The following MDGA2 variants were observed in gnomAD, a reference collection of about 807,000 sequenced individuals.
The protein encoded by MDGA2 is MAM domain-containing glycosylphosphatidylinositol anchor protein 2.
Under a neutral mutation model 117.8 loss-of-function variants are expected in MDGA2, and 40 were observed. The ratio of observed to expected loss-of-function variants is 0.34; its 90% CI spans 0.26 to 0.44. The LOEUF is 0.44. MDGA2 is among the 20% of genes least tolerant of loss of function. The pLI, the probability that MDGA2 is intolerant of heterozygous loss-of-function variation, is 1.00. For synonymous variants in MDGA2, 452 were observed against 439.0 expected (o/e 1.03, Z -0.37); for missense variants, 1,123 against 1,250.6 (o/e 0.90, Z 1.54).
At chr14:47,606,801 C>T (rs539920735) in intron 1 of MDGA2, among the ~76,000 whole-genome samples, 7 of 152,238 alleles carry the variant, frequency 4.6e-5, no homozygotes, top group Non-Finnish European at 1.0e-4. Flanking sequence ...AACTGAAATG[C>T]CTCGCTCCAT....
At chr14:47,595,478 G>T (rs986317240) in intron 1 of MDGA2, among the ~76,000 whole-genome samples, 1 of 146,724 alleles carries the variant, frequency 6.8e-6, no homozygotes, top group African/African-American at 2.5e-5. Flanking sequence ...AGGTTTCAGT[G>T]AGCCAAGATC....
At chr14:47,620,478 C>T (rs900213436) in intron 1 of MDGA2, among the ~76,000 whole-genome samples, 2 of 152,188 alleles carry the variant, frequency 1.3e-5, no homozygotes, top group Non-Finnish European at 2.9e-5. Context: ...CACGTGAATA[C>T]TTTCCATCTA....
intron 2 of MDGA2, among the ~76,000 whole-genome samples, chr14:47,291,037 T>C (rs1006194039): frequency 2.6e-5 from 4 of 152,164 alleles, no homozygotes; most frequent in Non-Finnish European, 4.4e-5. Context: ...AATCTAAAGT[T>C]CTGTGCTGTG....
chr14:47,612,593 A>G (rs560235206), intron 1 of MDGA2, among the ~76,000 whole-genome samples: 1 of 152,294 alleles, frequency 6.6e-6, no homozygotes, highest in Admixed American at 6.5e-5. Flanking sequence ...AACAGCATTT[A>G]TAACGTAATT....
chr14:46,949,376 G>T (rs1211368991), intron 9 of MDGA2, among the ~76,000 whole-genome samples: 1 of 151,732 alleles, frequency 6.6e-6, no homozygotes, highest in African/African-American at 2.4e-5. Flanking sequence ...TAAGATTTTT[G>T]GGGCATATGT....
At chr14:47,119,354 C>T (rs911605177) in intron 5 of MDGA2, among the ~76,000 whole-genome samples, 20 of 152,190 alleles carry the variant, frequency 1.3e-4, no homozygotes, top group African/African-American at 4.6e-4. Context: ...CGTGAGCCAC[C>T]GGGCCCGGCC....
At chr14:46,947,127 T>C (rs185972856) in intron 9 of MDGA2, among the ~76,000 whole-genome samples, 2 of 152,202 alleles carry the variant, frequency 1.3e-5, no homozygotes, top group Non-Finnish European at 1.5e-5. Context: ...TTTAAAATTA[T>C]CTTTGTAAGA....
intron 1 of MDGA2, among the ~76,000 whole-genome samples, chr14:47,674,229 C>G (rs1030808284): frequency 4.6e-5 from 7 of 152,152 alleles, no homozygotes; most frequent in Non-Finnish European, 1.0e-4. Flanking sequence ...ACTGCTGGAG[C>G]TCGGATTCCC....
At chr14:46,880,549 A>C (rs1566505243) in intron 11 of MDGA2, among the ~76,000 whole-genome samples, 1 of 151,610 alleles carries the variant, frequency 6.6e-6, no homozygotes, top group African/African-American at 2.4e-5. Context: ...CATGCCTGTA[A>C]TCTAGCACTT....
intron 1 of MDGA2, among the ~76,000 whole-genome samples, chr14:47,457,952 C>A (rs1385251719): frequency 6.6e-6 from 1 of 151,222 alleles, no homozygotes; most frequent in Admixed American, 6.6e-5. Flanking sequence ...GGATAGTGCT[C>A]ATTTTTATGC....
intron 9 of MDGA2, among the ~76,000 whole-genome samples, chr14:46,944,887 G>GAA (rs1885119031): frequency 1.3e-5 from 2 of 151,806 alleles, no homozygotes; most frequent in Admixed American, 6.6e-5. Flanking sequence ...ATAATACTTT[G>GAA]AAAATATTCA....
intron 1 of MDGA2, among the ~76,000 whole-genome samples, chr14:47,531,049 T>A (rs2138732331): frequency 6.6e-6 from 1 of 152,110 alleles, no homozygotes; most frequent in African/African-American, 2.4e-5. Context: ...ATTGAGACCA[T>A]CCTGGCTAAC....
intron 14 of MDGA2, among the ~76,000 whole-genome samples, chr14:46,862,084 C>A (rs987252300): frequency 2.6e-5 from 4 of 152,048 alleles, no homozygotes; most frequent in South Asian, 2.1e-4. Flanking sequence ...ACATCAGATA[C>A]CAAAACATAT....
chr14:46,868,350 T>C (rs1046725155), intron 14 of MDGA2, among the ~76,000 whole-genome samples: 9 of 151,592 alleles, frequency 5.9e-5, no homozygotes, highest in Non-Finnish European at 8.8e-5. Context: ...TTTGGGGGAG[T>C]ACTTGAATAT....
Position 47,523,977 on chromosome 14 carries a change from T to C in MDGA2, c.280+150540A>G, listed in dbSNP as rs553157626. On this transcript the variant is annotated intron_variant, in intron 1 of 16. Coordinates refer to ENST00000399232, the MANE Select transcript of MDGA2 (RefSeq NM_001113498.3). ...TGGAACTGACAATACTTTCCAGTAA[T>C]GCTTGAGGGCAAAATCAAGGACAGA... Among the ~76,000 whole-genome samples the C allele has an allele frequency of 1.9e-3, 294 of 152,314 alleles. 1 individual carries two copies. Among genetic ancestry groups the C allele is most frequent in the Non-Finnish European group, 3.4e-3 (228 of 68,024 alleles).
intron 3 of MDGA2, among the ~76,000 whole-genome samples, chr14:47,213,973 G>A (rs1198831968): frequency 2.0e-5 from 3 of 152,070 alleles, no homozygotes; most frequent in Non-Finnish European, 4.4e-5. Flanking sequence ...TTTTTGGCGA[G>A]TAGTAGCCAG....
chr14:47,574,166 T>C (rs1896071753), intron 1 of MDGA2, among the ~76,000 whole-genome samples: 1 of 152,184 alleles, frequency 6.6e-6, no homozygotes, highest in Admixed American at 6.5e-5. Context: ...GAGAGCAGAT[T>C]AAACCCAAGT....
intron 2 of MDGA2, among the ~76,000 whole-genome samples, chr14:47,291,519 C>T (rs1310521602): frequency 6.6e-6 from 1 of 152,148 alleles, no homozygotes; most frequent in Non-Finnish European, 1.5e-5. Flanking sequence ...GTTGAAAATG[C>T]ACTTAATACA....
chr14:47,507,357 C>A (rs1894534551), intron 1 of MDGA2, among the ~76,000 whole-genome samples: 1 of 152,062 alleles, frequency 6.6e-6, no homozygotes, highest in African/African-American at 2.4e-5. Context: ...TTTAAACATT[C>A]AGAAGATGAA....
Sources: allele counts gnomAD v4.1 joint callset (sites outside exome capture counted in the v4.1 genomes callset), GRCh38; gene constraint gnomAD v4.1.1; transcripts MANE v1.5; gene names NCBI Gene and HGNC (gene_info 2026-07-23, HGNC 2026-07-21).